NAV2: variants seen among roughly 807,000 people sequenced by gnomAD.
NAV2 encodes neuron navigator 2.
In NAV2, 54 loss-of-function variants were observed where a neutral mutation model predicts 223.2. The ratio of observed to expected loss-of-function variants is 0.24; its 90% confidence interval spans 0.19 to 0.30. NAV2 has a LOEUF of 0.30. Ranked by LOEUF, NAV2 falls within the 10% of genes least tolerant of loss-of-function variation. The pLI is 1.00. For missense variants in NAV2, 2,806 were observed against 3,147.5 expected (o/e 0.89, Z 2.60); for synonymous variants, 1,279 against 1,239.3 (o/e 1.03, Z -0.67).
chr11:20,101,244 A>G, intron 32 of NAV2, 72 bp downstream of exon 32: 1 of 1,179,986 alleles, frequency 8.5e-7, no homozygotes, highest in Non-Finnish European at 1.2e-6. Context: ...ACTAGCCTGA[A>G]GGGAAAGCAG....
chr11:19,494,767 A>G (rs1468926121), intron 1 of NAV2, among the ~76,000 whole-genome samples: 3 of 152,224 alleles, frequency 2.0e-5, no homozygotes, highest in African/African-American at 7.2e-5. Flanking sequence ...CTTGCCCTGC[A>G]TAGCCTGCCC....
chr11:19,668,483 AAT>A (rs869217667), intron 1 of NAV2, among the ~76,000 whole-genome samples: 4 of 138,918 alleles, frequency 2.9e-5, no homozygotes, highest in Non-Finnish European at 6.1e-5. Context: ...CAGTGAGCCG[AAT>A]TCATGCCATT....
intron 12 of NAV2, among the ~76,000 whole-genome samples, chr11:20,043,596 C>T (rs1214122224): frequency 2.6e-5 from 4 of 152,072 alleles, no homozygotes; most frequent in Non-Finnish European, 5.9e-5. Context: ...CGTGTGCCAC[C>T]ACACTCAGCT....
chr11:19,899,822 T>C (rs1274684601), intron 6 of NAV2, among the ~76,000 whole-genome samples: 1 of 152,186 alleles, frequency 6.6e-6, no homozygotes, highest in African/African-American at 2.4e-5. Flanking sequence ...CTTCCTGATC[T>C]GGGTGTTAAT....
At chr11:20,011,934 C>T (rs1481267993) in intron 11 of NAV2, among the ~76,000 whole-genome samples, 1 of 152,194 alleles carries the variant, frequency 6.6e-6, no homozygotes, top group African/African-American at 2.4e-5. Flanking sequence ...CTAGTGTGGG[C>T]TGCCAATAAA....
chr11:19,656,818 G>T (rs986823635), intron 1 of NAV2, among the ~76,000 whole-genome samples: 1 of 152,178 alleles, frequency 6.6e-6, no homozygotes, highest in African/African-American at 2.4e-5. Context: ...ACAAGGAAGC[G>T]GTCGGATTCA....
At chr11:19,573,195 T>G (rs1395201754) in intron 1 of NAV2, among the ~76,000 whole-genome samples, 1 of 152,152 alleles carries the variant, frequency 6.6e-6, no homozygotes, top group Non-Finnish European at 1.5e-5. Flanking sequence ...TTCCTGCACT[T>G]CTTTTCCCAG....
intron 1 of NAV2, among the ~76,000 whole-genome samples, chr11:19,538,865 A>C (rs1395919299): frequency 6.6e-6 from 1 of 151,112 alleles, no homozygotes; most frequent in Non-Finnish European, 1.5e-5. Context: ...ACTTTAGTGC[A>C]ATATCACAAC....
At chr11:19,576,492 A>G (rs930779101) in intron 1 of NAV2, among the ~76,000 whole-genome samples, 4 of 152,214 alleles carry the variant, frequency 2.6e-5, no homozygotes, top group Non-Finnish European at 5.9e-5. Context: ...CCACCCAGAA[A>G]TAACCATTGT....
chr11:19,797,078 T>C (rs2057954173), intron 1 of NAV2, among the ~76,000 whole-genome samples: 1 of 152,118 alleles, frequency 6.6e-6, no homozygotes, highest in Non-Finnish European at 1.5e-5. Flanking sequence ...CCACACGGGT[T>C]TGAGAGCCAG....
chr11:19,500,334 C>G (rs997262918), intron 1 of NAV2, among the ~76,000 whole-genome samples: 1 of 152,098 alleles, frequency 6.6e-6, no homozygotes, highest in African/African-American at 2.4e-5. Flanking sequence ...CCACACTCAC[C>G]CAAGATCACA....
intron 1 of NAV2, among the ~76,000 whole-genome samples, chr11:19,483,787 C>T (rs561347050): frequency 9.2e-5 from 14 of 152,210 alleles, no homozygotes; most frequent in African/African-American, 3.4e-4. Context: ...TTTCAGGCAA[C>T]CACTGGGGGT....
At chr11:20,102,999 G>A (rs762169478) in intron 32 of NAV2, among the ~76,000 whole-genome samples, 7 of 152,160 alleles carry the variant, frequency 4.6e-5, no homozygotes, top group Non-Finnish European at 1.0e-4. Flanking sequence ...TTTTACCCCA[G>A]GCTCAAGGTT....
At chr11:19,362,377 T>A (rs868745495) in intron 1 of NAV2, among the ~76,000 whole-genome samples, 2 of 152,194 alleles carry the variant, frequency 1.3e-5, no homozygotes, top group African/African-American at 4.8e-5. Flanking sequence ...TCATTTTTTT[T>A]AAATTGAGCT....
intron 3 of NAV2, among the ~76,000 whole-genome samples, chr11:19,854,504 G>T (rs12366028): frequency 0.15 from 22,309 of 152,092 alleles, 1,685 homozygotes; most frequent in Middle Eastern, 0.18. Flanking sequence ...CAAAAAATTG[G>T]CTGTAACTGG....
chr11:19,723,748 G>A (rs919471755), intron 1 of NAV2, among the ~76,000 whole-genome samples: 7 of 152,208 alleles, frequency 4.6e-5, no homozygotes, highest in Non-Finnish European at 2.9e-5. Context: ...CCGTGCTGCC[G>A]GCCCAGCAGG....
At chr11:19,587,472 G>A (rs2045937092) in intron 1 of NAV2, among the ~76,000 whole-genome samples, 1 of 152,174 alleles carries the variant, frequency 6.6e-6, no homozygotes, top group Admixed American at 6.5e-5. Flanking sequence ...CGTCGCTCAT[G>A]CTAGGAACTG....
At chr11:19,560,570 A>G (rs1358650206) in intron 1 of NAV2, among the ~76,000 whole-genome samples, 2 of 152,240 alleles carry the variant, frequency 1.3e-5, no homozygotes, top group Non-Finnish European at 2.9e-5. Flanking sequence ...TGCAGCTCTT[A>G]TCACATTTGA....
chr11:19,825,656 G>A (rs760309805), intron 1 of NAV2, among the ~76,000 whole-genome samples: 2 of 152,088 alleles, frequency 1.3e-5, no homozygotes, highest in Admixed American at 6.5e-5. Context: ...AGTGCTACCC[G>A]GCTTCATTTG....
Sources: allele counts gnomAD v4.1 joint callset (sites outside exome capture counted in the v4.1 genomes callset), GRCh38; gene constraint gnomAD v4.1.1; transcripts MANE v1.5; gene names NCBI Gene and HGNC (gene_info 2026-07-23, HGNC 2026-07-21).